The following SLC38A7 variants were observed in gnomAD, a reference collection of about 807,000 sequenced individuals.
SLC38A7 encodes sodium-coupled neutral amino acid transporter 7.
SLC38A7 carries 29 observed loss-of-function variants against 50.1 expected under a neutral mutation model. That is an observed-to-expected ratio of 0.58 (90% CI 0.43 to 0.79). SLC38A7 has a LOEUF of 0.79. SLC38A7 is among the 30% of genes least tolerant of loss of function. The probability of loss-of-function intolerance (pLI) is 0.00; values close to 1 mark genes in which losing one functional copy is unlikely to be tolerated. For missense variants in SLC38A7, 483 were observed against 610.6 expected, an observed-to-expected ratio of 0.79 and a Z score of 2.20; for synonymous variants, 244 against 245.9, an observed-to-expected ratio of 0.99 and a Z score of 0.07.
intron 11 of SLC38A7, among the ~76,000 whole-genome samples, chr16:58,668,259 G>A (rs545959988): frequency 1.3e-5 from 2 of 152,000 alleles, no homozygotes; most frequent in African/African-American, 4.8e-5. Flanking sequence ...CCAGCGTGGT[G>A]AAACCCCGTC....
At chr16:58,669,984 A>C (rs1004435240) in intron 11 of SLC38A7, 129 bp downstream of exon 11, 124 of 839,454 alleles carry the variant, frequency 1.5e-4, no homozygotes, top group Non-Finnish European at 1.6e-4. Flanking sequence ...CAAAAAAAAA[A>C]AAACAAAACA....
intron 2 of SLC38A7, 53 bp from the exon 3 acceptor site, chr16:58,680,294 G>A (rs563862652): frequency 1.1e-4 from 75 of 701,050 alleles, no homozygotes; most frequent in South Asian, 6.1e-4. Context: ...GGGAACTAGG[G>A]GACAAAAAGG....
At chr16:58,669,068 C>A (rs1390060009) in intron 11 of SLC38A7, among the ~76,000 whole-genome samples, 9 of 142,566 alleles carry the variant, frequency 6.3e-5, no homozygotes, top group Non-Finnish European at 1.4e-4. Context: ...CTGTGCCTGG[C>A]CAATTTTTTT....
chr16:58,675,451 G>T (rs546107168), intron 8 of SLC38A7: 23 of 353,600 alleles, frequency 6.5e-5, no homozygotes, highest in Admixed American at 1.5e-4. Flanking sequence ...GCAGGTTGAG[G>T]TTGCAGTGAG....
rs775599391 is a variant in SLC38A7, at chr16:58,675,926, G to GT, written c.883+13_883+14insA. 2 of 1,589,902 alleles carry GT rather than the reference G, an allele frequency of 1.3e-6. No homozygotes were observed. Among genetic ancestry groups the GT allele is most frequent in the South Asian group, 2.3e-5 (2 of 88,706 alleles). On this transcript the variant is annotated intron_variant, in intron 8 of 11. Coordinates refer to ENST00000219320, the MANE Select transcript of SLC38A7 (RefSeq NM_018231.3). ...GCACTCTAGTCCCAGGTCTTGGGGG[G>GT]GGGGAGCACTCACCTGTCCCCATGT...
At position 58,678,717 on chromosome 16, in the gene SLC38A7, T is replaced by C; in HGVS notation, c.448A>G (p.Ile150Val). The C allele has an allele frequency of 6.2e-7, 1 of 1,614,024 alleles. No individual in the cohort carries two copies. Among genetic ancestry groups the C allele is most frequent in the Non-Finnish European group, 8.5e-7 (1 of 1,179,988 alleles). The change falls in exon 4 of 12, where the codon ATT becomes GTT. Residue 150 changes from isoleucine (I) to valine (V), a missense_variant. By Grantham distance (29) the Ile-to-Val change is conservative. Coordinates refer to ENST00000219320, the MANE Select transcript of SLC38A7 (RefSeq NM_018231.3). The surrounding 1 kb of genome is among the most constrained non-coding windows in gnomAD (Gnocchi z 4.0). ...FGTCIAFLII[I>V]GDQQDKIIAV... ...TCACTCTTGTCCTGCTGGTCGCCAA[T>C]GATGATTAGGAAGGCAATGCAGGTG... is the stretch of plus-strand genomic sequence containing the variant.
chr16:58,681,733 T>A (rs1300796948), intron 2 of SLC38A7: 1 of 152,172 alleles, frequency 6.6e-6, no homozygotes, highest in Admixed American at 6.5e-5. Context: ...TTAATATCAG[T>A]AAGGGTTTAA....
At chr16:58,677,562 G>A in intron 5 of SLC38A7, 138 bp from the exon 6 acceptor site, 1 of 708,250 alleles carries the variant, frequency 1.4e-6, no homozygotes, top group Non-Finnish European at 2.5e-6. Flanking sequence ...GCAGACTCAG[G>A]AAACGCCTGA....
In SLC38A7 at chr16:58,680,091, C is replaced by G. The variant is rs1245982678; in HGVS notation, c.36G>C (p.Glu12Asp). 18 of 1,554,428 alleles carry G rather than the reference C, an allele frequency of 1.2e-5. No individual in the cohort carries two copies. The Middle Eastern group carries it at 1.0e-3, about 90-fold the overall frequency. The change falls in exon 3 of 12, where the codon GAG (glutamate) becomes GAC (aspartate). Residue 12 changes from glutamate (E) to aspartate (D), a missense_variant. By Grantham distance (45) the Glu-to-Asp change is conservative (BLOSUM62 2). Transcript: ENST00000219320. ...AQVSINNDYS[E>D]WDLSTDAGER... The stretch of plus-strand genomic sequence containing the variant: ...CCCCGGCATCCGTGCTCAAGTCCCA[C>G]TCGCTGTAGTCATTGTTGATGCTGA...
At chr16:58,677,493 A>C (rs1227060913) in intron 5 of SLC38A7, 69 bp from the exon 6 acceptor site, 11 of 1,367,788 alleles carry the variant, frequency 8.0e-6, no homozygotes, top group Non-Finnish European at 1.1e-5. Context: ...CCCTAGGGAC[A>C]TCCACCTTCA....
At position 58,679,984 on chromosome 16, in the gene SLC38A7, C is replaced by T. The variant is rs2044355492; in HGVS notation, c.143G>A (p.Arg48Lys). Residue 48 changes from arginine (R) to lysine (K), a missense_variant, in exon 3 of 12, where the codon AGA (arginine) becomes AAA (lysine). Transcript: ENST00000219320. ...EWEASPGGLD[R>K]GTTSTLGAIF... is the part of the protein sequence containing the mutation. ...GGCCCCAAGTGTGGAAGTGGTGCCT[C>T]TGTCCAGACCCCCAGGAGAGGCTTC... is the stretch of plus-strand genomic sequence containing the variant. 1.2e-6 allele frequency: 2 copies of T among 1,612,530 alleles called. No homozygotes were observed. Among genetic ancestry groups the T allele is most frequent in the Non-Finnish European group, 1.7e-6 (2 of 1,179,104 alleles).
intron 2 of SLC38A7, among the ~76,000 whole-genome samples, chr16:58,683,034 C>T (rs578220769): frequency 3.3e-5 from 5 of 151,384 alleles, no homozygotes; most frequent in Non-Finnish European, 5.9e-5. Context: ...AAGCCCCCCA[C>T]GCCTGTCATG....
At chr16:58,673,118 G>A (rs2044190320) in intron 8 of SLC38A7, among the ~76,000 whole-genome samples, 1 of 97,710 alleles carries the variant, frequency 1.0e-5, no homozygotes, top group African/African-American at 7.0e-5. Context: ...TTTTTGAGAT[G>A]GAGTCGCGCT....
At position 58,677,235 on chromosome 16, in the gene SLC38A7, C is replaced by T. The variant is rs1371225094; in HGVS notation, c.710+91G>A. On this transcript the variant is annotated intron_variant, in intron 6 of 11. Coordinates refer to ENST00000219320, the MANE Select transcript of SLC38A7 (RefSeq NM_018231.3). ...ATGAGCTCATGAGCCTTGAGAAGAGCACCTGTGTGGCCTTCTGGTTCCTGA... is the reference window on the plus strand; with the variant it reads ...ATGAGCTCATGAGCCTTGAGAAGAGTACCTGTGTGGCCTTCTGGTTCCTGA... 2.9e-6 allele frequency: 3 copies of T among 1,042,376 alleles called. No individual in the cohort carries two copies. The African/African-American group carries it at 4.7e-5, about 16-fold the overall frequency. 64.6% of individuals were successfully genotyped at this position (1,042,376 alleles called of 1,614,324 possible). A position where few individuals can be genotyped will look rare whatever the true frequency, so the allele number is the denominator to read the frequency against.
intron 8 of SLC38A7, among the ~76,000 whole-genome samples, chr16:58,672,968 C>T (rs189757536): frequency 2.0e-5 from 3 of 152,062 alleles, no homozygotes; most frequent in Admixed American, 2.0e-4. Context: ...ACTCTTGTTG[C>T]CCAGGCTGGC....
At chr16:58,670,774 G>C (rs1472492919) in intron 10 of SLC38A7, among the ~76,000 whole-genome samples, 1 of 152,238 alleles carries the variant, frequency 6.6e-6, no homozygotes, top group Non-Finnish European at 1.5e-5. Context: ...GCGTGGGATG[G>C]AAAAGGTTAC....
chr16:58,676,462 C>G, intron 6 of SLC38A7, 116 bp from the exon 7 acceptor site: 1 of 1,042,818 alleles, frequency 9.6e-7, no homozygotes, highest in Non-Finnish European at 1.5e-6. Flanking sequence ...GATTCCATAG[C>G]TTCAACCCAC....
At chr16:58,675,888 T>G (rs1471064091) in intron 8 of SLC38A7, 52 bp downstream of exon 8, 1 of 1,438,908 alleles carries the variant, frequency 6.9e-7, no homozygotes, top group African/African-American at 1.4e-5. Context: ...TAGGGACTCC[T>G]GTGGAAGTGA....
chr16:58,674,330 G>A (rs78768619), intron 8 of SLC38A7, among the ~76,000 whole-genome samples: 6,050 of 152,198 alleles, frequency 0.04, 158 homozygotes, highest in South Asian at 0.074. Flanking sequence ...AGTTTGGAGT[G>A]TAATGGCATG....
Sources: gnomAD v4.1 joint callset for allele counts (sites outside exome capture counted in the v4.1 genomes callset) on GRCh38, gnomAD v4.1.1 for gene constraint, Gnocchi (gnomAD v3.1) non-coding constraint, MANE v1.5 for transcripts, NCBI Gene and HGNC (gene_info 2026-07-23, HGNC 2026-07-21) for gene names.